XYLT1: variants seen among roughly 807,000 people sequenced by gnomAD.
The protein encoded by XYLT1 is xylosyltransferase 1.
Under a neutral mutation model 91.3 loss-of-function variants are expected in XYLT1, and 36 were observed. That is an observed-to-expected ratio of 0.39 (90% CI 0.30 to 0.52). The LOEUF (loss-of-function observed/expected upper bound fraction) is 0.52, where lower values mean the gene tolerates loss of function less well. Ranked by LOEUF, XYLT1 falls within the 20% of genes least tolerant of loss-of-function variation. The pLI is 0.68. For synonymous variants in XYLT1, 588 were observed against 532.0 expected (o/e 1.11, Z -1.45); for missense variants, 1,242 against 1,284.5 (o/e 0.97, Z 0.51).
At position 17,160,999 on chromosome 16, in the gene XYLT1, G is replaced by A. The variant is rs1432115531; in HGVS notation, c.1290-2090C>T. Among the ~76,000 whole-genome samples the A allele has an allele frequency of 3.9e-5, 6 of 152,156 alleles. No homozygotes were observed. In the East Asian group the frequency reaches 1.2e-3, roughly 29 times the overall value. On this transcript the variant is annotated intron_variant, in intron 5 of 11. Transcript: ENST00000261381. ...ATACGAGACAAGTTAACCTCTGAAT[G>A]GGTCCCCGGCAGTTGGAATAATAAA... is the stretch of plus-strand genomic sequence containing the variant.
intron 1 of XYLT1, among the ~76,000 whole-genome samples, chr16:17,402,845 C>T (rs543271241): frequency 1.3e-5 from 2 of 151,674 alleles, no homozygotes; most frequent in East Asian, 3.9e-4. Context: ...TGGGCTCAAG[C>T]AATCCTGCTT....
At chr16:17,192,444 T>G (rs2032335127) in intron 5 of XYLT1, among the ~76,000 whole-genome samples, 1 of 152,154 alleles carries the variant, frequency 6.6e-6, no homozygotes, top group Non-Finnish European at 1.5e-5. Flanking sequence ...CAGGGCAAAG[T>G]GCTATTGGCT....
intron 2 of XYLT1, among the ~76,000 whole-genome samples, chr16:17,295,432 T>C (rs1254915918): frequency 6.6e-6 from 1 of 152,056 alleles, no homozygotes; most frequent in East Asian, 1.9e-4. Context: ...CTCGGCTCAC[T>C]GCAACCTCCA....
At chr16:17,427,844 A>G (rs1392240745) in intron 1 of XYLT1, among the ~76,000 whole-genome samples, 2 of 151,788 alleles carry the variant, frequency 1.3e-5, no homozygotes, top group East Asian at 3.9e-4. Context: ...TTTTTTTAAA[A>G]CGTTCACCTG....
chr16:17,159,114 T>G (rs556524278), intron 5 of XYLT1, among the ~76,000 whole-genome samples: 3 of 152,298 alleles, frequency 2.0e-5, no homozygotes, highest in Admixed American at 2.0e-4. Flanking sequence ...ATGGGCTGTT[T>G]GTGCATTTCT....
intron 1 of XYLT1, among the ~76,000 whole-genome samples, chr16:17,441,153 G>A (rs1017726117): frequency 2.0e-5 from 3 of 151,712 alleles, no homozygotes; most frequent in African/African-American, 4.8e-5. Flanking sequence ...CAGCCTGGGC[G>A]ACAGAACGCC....
intron 3 of XYLT1, among the ~76,000 whole-genome samples, chr16:17,218,056 G>A (rs1597199931): frequency 6.6e-6 from 1 of 151,878 alleles, no homozygotes; most frequent in South Asian, 2.1e-4. Flanking sequence ...TCAGGTGTTC[G>A]AGACCAGCCT....
At chr16:17,369,216 A>G (rs1466771243) in intron 1 of XYLT1, among the ~76,000 whole-genome samples, 1 of 139,168 alleles carries the variant, frequency 7.2e-6, no homozygotes, top group Non-Finnish European at 1.5e-5. Context: ...TGCAACCTCC[A>G]CCTCCCGGGT....
intron 1 of XYLT1, among the ~76,000 whole-genome samples, chr16:17,375,431 C>CAAA (rs66868364): frequency 1.5e-5 from 2 of 137,218 alleles, no homozygotes; most frequent in Non-Finnish European, 3.1e-5. Flanking sequence ...TGTCGCAATG[C>CAAA]AAAAAAAAAA....
chr16:17,291,995 T>C (rs1047396401), intron 2 of XYLT1, among the ~76,000 whole-genome samples: 1 of 151,856 alleles, frequency 6.6e-6, no homozygotes, highest in African/African-American at 2.4e-5. Context: ...AAGACCAGCC[T>C]GGGCAACATG....
chr16:17,191,477 T>A (rs564542061), intron 5 of XYLT1, among the ~76,000 whole-genome samples: 4 of 152,354 alleles, frequency 2.6e-5, no homozygotes, highest in Admixed American at 6.5e-5. Flanking sequence ...CTGCTCTGTG[T>A]TAATACTAAT....
At chr16:17,404,260 T>A (rs1023839357) in intron 1 of XYLT1, among the ~76,000 whole-genome samples, 3 of 152,100 alleles carry the variant, frequency 2.0e-5, no homozygotes, top group South Asian at 2.1e-4. Flanking sequence ...TCCCTTTTCC[T>A]CCTCAGAACT....
intron 5 of XYLT1, among the ~76,000 whole-genome samples, chr16:17,170,840 A>C (rs2031804626): frequency 6.6e-6 from 1 of 152,210 alleles, no homozygotes; most frequent in African/African-American, 2.4e-5. Context: ...GCAGTGGTTA[A>C]AATAATGCAG....
At chr16:17,368,951 C>A (rs2035490508) in intron 1 of XYLT1, among the ~76,000 whole-genome samples, 1 of 151,506 alleles carries the variant, frequency 6.6e-6, no homozygotes, top group Non-Finnish European at 1.5e-5. Flanking sequence ...TAGTACTGTT[C>A]CTAATTTATA....
chr16:17,420,231 C>T (rs1212880043), intron 1 of XYLT1, among the ~76,000 whole-genome samples: 1 of 152,124 alleles, frequency 6.6e-6, no homozygotes, highest in Non-Finnish European at 1.5e-5. Flanking sequence ...GAGTTATACA[C>T]ATAATTTTTT....
At chr16:17,349,974 C>T (rs148670096) in intron 2 of XYLT1, among the ~76,000 whole-genome samples, 89 of 152,022 alleles carry the variant, frequency 5.9e-4, no homozygotes, top group African/African-American at 2.1e-3. Context: ...CCCGGGTTCA[C>T]GTCATTCTCC....
At chr16:17,329,443 C>G (rs540299917) in intron 2 of XYLT1, among the ~76,000 whole-genome samples, 2 of 152,202 alleles carry the variant, frequency 1.3e-5, no homozygotes, top group Non-Finnish European at 2.9e-5. Context: ...AATAGTAAAT[C>G]TTTTCATCTT....
At chr16:17,338,773 C>T (rs556540943) in intron 2 of XYLT1, among the ~76,000 whole-genome samples, 26 of 152,240 alleles carry the variant, frequency 1.7e-4, no homozygotes, top group Non-Finnish European at 3.2e-4. Flanking sequence ...TTAGTAGAGA[C>T]GGGCTTTCAC....
At chr16:17,466,094 T>A (rs1211425759) in intron 1 of XYLT1, among the ~76,000 whole-genome samples, 7 of 152,204 alleles carry the variant, frequency 4.6e-5, no homozygotes, top group Non-Finnish European at 7.3e-5. Flanking sequence ...GCAGGTTTTG[T>A]TAAGATCGAG....
Sources: allele counts gnomAD v4.1 joint callset (sites outside exome capture counted in the v4.1 genomes callset), GRCh38; gene constraint gnomAD v4.1.1; transcripts MANE v1.5; gene names NCBI Gene and HGNC (gene_info 2026-07-23, HGNC 2026-07-21).